The following MAFG variants were observed in gnomAD, a reference collection of about 807,000 sequenced individuals.
MAFG encodes the protein MAF bZIP transcription factor G.
MAFG carries 3 observed loss-of-function variants against 12.2 expected under a neutral mutation model. The observed-to-expected ratio is 0.25, with a 90% CI of 0.11 to 0.64. MAFG has a LOEUF of 0.64. Among genes scored for constraint, MAFG ranks in the 30% least tolerant of loss-of-function variants. The pLI is 0.85. For missense variants in MAFG, 153 were observed against 235.5 expected (o/e 0.65, Z 2.29); for synonymous variants, 126 against 109.1 (o/e 1.15, Z -0.96).
Position 81,922,719 on chromosome 17 carries a change from G to T in MAFG, c.375C>A (p.Pro125=), listed in dbSNP as rs749165058. Residue 125 remains proline (P), a synonymous_variant, in exon 3 of 3, where the codon CCC becomes CCA. Coordinates refer to ENST00000357736, the MANE Select transcript of MAFG (RefSeq NM_002359.4). ...QTFARTVARS[P]VAPARGPLAA... ...CAAGGGGGCCCCGGGCTGGCGCCACGGGGCTGCGGGCCACCGTCCGGGCGA... is the reference window on the plus strand; with the variant it reads ...CAAGGGGGCCCCGGGCTGGCGCCACTGGGCTGCGGGCCACCGTCCGGGCGA... The T allele has an allele frequency of 6.4e-7, 1 of 1,553,502 alleles. No individual in the cohort carries two copies. Among genetic ancestry groups the T allele is most frequent in the Non-Finnish European group, 8.7e-7 (1 of 1,150,706 alleles).
upstream of MAFG, among the ~76,000 whole-genome samples, chr17:81,929,201 T>C (rs2040966050): frequency 1.3e-5 from 2 of 152,222 alleles, no homozygotes; most frequent in Admixed American, 1.3e-4. This position sits in a 1 kb window ranked among gnomAD's most constrained non-coding sequence, Gnocchi z 5.7. Flanking sequence ...TGAATCGTCC[T>C]CACTGCGGTG....
chr17:81,921,615 CTG>C lies in MAFG; in HGVS notation c.*988_*989del, dbSNP rs1410710228. The C allele has an allele frequency of 1.3e-5, 2 of 149,834 alleles. No homozygotes were observed. The highest frequency in any genetic ancestry group is 1.5e-5 in the Non-Finnish European group (1 of 67,636). The allele number at this position is 149,834 out of a possible 1,614,324, so 9.3% of individuals were successfully genotyped here. A position where few individuals can be genotyped will look rare whatever the true frequency, so the allele number is the denominator to read the frequency against. ...GTTTTATAAATAATGTCTGATAACT[CTG>C]TGTATATAAAAACTAAACTCCAACA... On this transcript the variant is annotated 3_prime_UTR_variant, in exon 3 of 3. Transcript: ENST00000357736.
chr17:81,930,044 C>T (rs1397037868), upstream of MAFG: 1 of 154,270 alleles, frequency 6.5e-6, no homozygotes, highest in Non-Finnish European at 1.4e-5. This position sits in a 1 kb window ranked among gnomAD's most constrained non-coding sequence, Gnocchi z 4.1. Flanking sequence ...CAGGCTGCAG[C>T]TTCTGTGGGA....
chr17:81,925,996 C>CTGTGTGTGTGTGTGTGTGTGTGTG (rs532478689), intron 1 of MAFG, among the ~76,000 whole-genome samples: 5 of 89,028 alleles, frequency 5.6e-5, no homozygotes, highest in African/African-American at 1.9e-4. Context: ...GAGAATGGAC[C>CTGTGTGTGTGTGTGTGTGTGTGTG]TGTGTGTGTG....
chr17:81,925,807 CAAAAA>C (rs753192299), intron 1 of MAFG, among the ~76,000 whole-genome samples: 1 of 47,264 alleles, frequency 2.1e-5, no homozygotes, highest in Non-Finnish European at 4.6e-5. Flanking sequence ...GACTCCGTCT[CAAAAA>C]AAAAAAAAAA....
intron 1 of MAFG, 66 bp from the exon 2 acceptor site, chr17:81,923,280 C>A: frequency 4.1e-6 from 4 of 984,890 alleles, no homozygotes; most frequent in Non-Finnish European, 5.5e-6. Context: ...CCCCCCGCCC[C>A]CGGCCCAGTT....
In MAFG at chr17:81,919,155, T is replaced by C. The variant is rs2040861169; in HGVS notation, c.*3450A>G. ...TTCTGGGGGAAAAATCGTTAATGTG[T>C]TGGTTCCTTTCACCAAACCACAGCC... On this transcript the variant is annotated 3_prime_UTR_variant, in exon 3 of 3. Transcript: ENST00000357736. 1 of 152,250 alleles carries C rather than the reference T, an allele frequency of 6.6e-6. No homozygotes were observed. Among genetic ancestry groups the C allele is most frequent in the Non-Finnish European group, 1.5e-5 (1 of 68,032 alleles). The allele number at this position is 152,250 out of a possible 1,614,324, so 9.4% of individuals were successfully genotyped here.
intron 1 of MAFG, among the ~76,000 whole-genome samples, chr17:81,927,205 C>G (rs1337132433): frequency 1.3e-5 from 2 of 151,652 alleles, no homozygotes; most frequent in African/African-American, 4.8e-5. Flanking sequence ...TTCCTCCCGC[C>G]GTCCAGTGCC....
In MAFG at chr17:81,921,259, G is replaced by A. The variant is rs1403357429; in HGVS notation, c.*1346C>T. On this transcript the variant is annotated 3_prime_UTR_variant, in exon 3 of 3. Transcript: ENST00000357736. ...AGCTGGTGGTGGGCACAGATTCCTTGAGCTCTGACGCAGCAGGCGCCACTT... is the reference window on the plus strand; with the variant it reads ...AGCTGGTGGTGGGCACAGATTCCTTAAGCTCTGACGCAGCAGGCGCCACTT... 2 of 152,276 alleles carry A rather than the reference G, an allele frequency of 1.3e-5. No individual in the cohort carries two copies. The highest frequency in any genetic ancestry group is 2.9e-5 in the Non-Finnish European group (2 of 68,074). The allele number at this position is 152,276 out of a possible 1,614,324, so 9.4% of individuals were successfully genotyped here. A position where few individuals can be genotyped will look rare whatever the true frequency, so the allele number is the denominator to read the frequency against.
intron 1 of MAFG, among the ~76,000 whole-genome samples, chr17:81,927,123 T>C (rs2143830007): frequency 1.3e-5 from 2 of 150,050 alleles, no homozygotes; most frequent in South Asian, 4.2e-4. Flanking sequence ...GGCCACCGGA[T>C]GAATCAGCAG....
At chr17:81,923,361 A>AGG in intron 1 of MAFG, 147 bp from the exon 2 acceptor site, 1 of 554,154 alleles carries the variant, frequency 1.8e-6, no homozygotes, top group Non-Finnish European at 3.1e-6. Context: ...ACCTGATAGG[A>AGG]GGCAGCCCTT....
At chr17:81,927,490 C>G (rs1405274399) in intron 1 of MAFG, 38 bp downstream of exon 1, 1 of 146,458 alleles carries the variant, frequency 6.8e-6, no homozygotes, top group Non-Finnish European at 1.5e-5. Flanking sequence ...CGCCGCGCCG[C>G]CCCCACCGCC....
upstream of MAFG, among the ~76,000 whole-genome samples, chr17:81,931,165 G>A (rs1156735829): frequency 6.6e-6 from 1 of 152,184 alleles, no homozygotes; most frequent in Non-Finnish European, 1.5e-5. Context: ...GGGCCCGCCT[G>A]CTGAAGCAAA....
chr17:81,927,791 T>C (rs1194625793), upstream of MAFG: 1 of 151,890 alleles, frequency 6.6e-6, no homozygotes, highest in Non-Finnish European at 1.5e-5. Context: ...GGCCGGCGCT[T>C]AAAGGGGAAG....
In MAFG at chr17:81,919,379, G is replaced by A. The variant is rs1420577297; in HGVS notation, c.*3226C>T. ...GCCGGGCCCTGATCACCAGTCAGAA[G>A]TGTACACACATATCTGAAACATGCA... On this transcript the variant is annotated 3_prime_UTR_variant, in exon 3 of 3. Coordinates refer to ENST00000357736, the MANE Select transcript of MAFG (RefSeq NM_002359.4). 1 of 152,328 alleles carries A rather than the reference G, an allele frequency of 6.6e-6. No homozygotes were observed. Among genetic ancestry groups the A allele is most frequent in the African/African-American group, 2.4e-5 (1 of 41,460 alleles). The allele number at this position is 152,328 out of a possible 1,614,324, so 9.4% of individuals were successfully genotyped here. A position where few individuals can be genotyped will look rare whatever the true frequency, so the allele number is the denominator to read the frequency against.
rs1178933780 is a variant in MAFG, at chr17:81,920,162, A to C, written c.*2443T>G. Reference sequence around the variant, plus strand: ...TGATTCCAACTAACGCCTGGATTCTACTTAGACAAGATCAGACTGAGGGGA... The same window carrying C: ...TGATTCCAACTAACGCCTGGATTCTCCTTAGACAAGATCAGACTGAGGGGA... On this transcript the variant is annotated 3_prime_UTR_variant, in exon 3 of 3. Coordinates refer to ENST00000357736, the MANE Select transcript of MAFG (RefSeq NM_002359.4). The C allele has an allele frequency of 2.0e-5, 3 of 152,216 alleles. No individual in the cohort carries two copies. Among genetic ancestry groups the C allele is most frequent in the Admixed American group, 2.0e-4 (3 of 15,272 alleles). The allele number at this position is 152,216 out of a possible 1,614,324, so 9.4% of individuals were successfully genotyped here.
rs1362405469 is a variant in MAFG, at chr17:81,924,835, CAG to C, written c.-29-1623_-29-1622del. On this transcript the variant is annotated intron_variant, in intron 1 of 2. Transcript: ENST00000357736. The surrounding 1 kb of genome is among the most constrained non-coding windows in gnomAD (Gnocchi z 4.7). ...CCAGCCTTGAGTGCAAGTCAGGGTG[CAG>C]AGACACTGCCCTGGCACCAGCTTCT... 1.3e-5 allele frequency among the ~76,000 whole-genome samples: 2 copies of C among 152,248 alleles called. No individual in the cohort carries two copies. The highest frequency in any genetic ancestry group is 2.9e-5 in the Non-Finnish European group (2 of 68,032).
Position 81,922,944 on chromosome 17 carries a change from G to C in MAFG, c.150C>G (p.Val50=). Residue 50 remains valine (V), a synonymous_variant, in exon 3 of 3, where the codon GTC becomes GTG. Coordinates refer to ENST00000357736, the MANE Select transcript of MAFG (RefSeq NM_002359.4). ...HLRGLSKEEI[V]QLKQRRRTLK... ...GCGTGCGCCGGCGCTGCTTCAGCTGGACGATCTCCTCCTTGGACAGGCCCC... is the reference window on the plus strand; with the variant it reads ...GCGTGCGCCGGCGCTGCTTCAGCTGCACGATCTCCTCCTTGGACAGGCCCC... 6.2e-7 allele frequency: 1 copy of C among 1,604,094 alleles called. No individual in the cohort carries two copies. The highest frequency in any genetic ancestry group is 8.5e-7 in the Non-Finnish European group (1 of 1,175,642).
At chr17:81,928,729 T>C (rs139439195), upstream of MAFG, among the ~76,000 whole-genome samples, 106 of 152,280 alleles carry the variant, frequency 7.0e-4, 2 homozygotes, top group East Asian at 0.019. The surrounding 1 kb of genome is among the most constrained non-coding windows in gnomAD (Gnocchi z 8.1). Flanking sequence ...GGGCATGATA[T>C]GGTCCTGGCG....
Sources: gnomAD v4.1 joint callset for allele counts (sites outside exome capture counted in the v4.1 genomes callset) on GRCh38, gnomAD v4.1.1 for gene constraint, Gnocchi (gnomAD v3.1) non-coding constraint, MANE v1.5 for transcripts, NCBI Gene and HGNC (gene_info 2026-07-23, HGNC 2026-07-21) for gene names.